The following PCDH15 variants were observed in gnomAD, a reference collection of about 807,000 sequenced individuals.
PCDH15 encodes the protein protocadherin related 15.
Under a neutral mutation model 178.5 loss-of-function variants are expected in PCDH15, and 129 were observed. That is an observed-to-expected ratio of 0.72 (90% confidence interval 0.63 to 0.84). The LOEUF (loss-of-function observed/expected upper bound fraction) is 0.84, where lower values mean the gene tolerates loss of function less well. Ranked by LOEUF, PCDH15 falls within the 40% of genes least tolerant of loss-of-function variation. The pLI is 0.00. For missense variants in PCDH15, 2,230 were observed against 2,099.9 expected, an observed-to-expected ratio of 1.06 and a Z score of -1.21; for synonymous variants, 800 against 732.0, an observed-to-expected ratio of 1.09 and a Z score of -1.50.
intron 3 of PCDH15, among the ~76,000 whole-genome samples, chr10:54,425,404 G>A (rs1416697970): frequency 2.0e-5 from 3 of 152,078 alleles, no homozygotes; most frequent in Admixed American, 6.6e-5. Context: ...ACTCTTCTGA[G>A]AGTCCCCACA....
intron 2 of PCDH15, among the ~76,000 whole-genome samples, chr10:55,325,978 A>G (rs1844020247): frequency 2.0e-5 from 3 of 152,110 alleles, no homozygotes; most frequent in African/African-American, 7.2e-5. Context: ...CTACAAGTAT[A>G]TGAAAAAAAA....
At chr10:55,105,303 G>A (rs1333084363) in intron 2 of PCDH15, among the ~76,000 whole-genome samples, 1 of 151,594 alleles carries the variant, frequency 6.6e-6, no homozygotes. Flanking sequence ...ACAAATTGTT[G>A]TAAATCTCCA....
chr10:55,585,215 G>T (rs1485972217), intron 2 of PCDH15, among the ~76,000 whole-genome samples: 6 of 151,816 alleles, frequency 4.0e-5, no homozygotes, highest in Non-Finnish European at 8.8e-5. Context: ...TCTTCCTGGG[G>T]GTAAAAAATT....
chr10:55,269,780 T>A (rs1363980243), intron 1 of PCDH15, among the ~76,000 whole-genome samples: 1 of 151,754 alleles, frequency 6.6e-6, no homozygotes, highest in African/African-American at 2.4e-5. Context: ...GAAAAAAAAA[T>A]TCTAAAATTC....
intron 2 of PCDH15, among the ~76,000 whole-genome samples, chr10:55,607,700 A>G (rs1260633798): frequency 7.0e-6 from 1 of 141,920 alleles, no homozygotes; most frequent in Non-Finnish European, 1.5e-5. Context: ...TTGAACAATG[A>G]GATCACATGG....
chr10:53,982,619 A>G (rs1373065394), intron 21 of PCDH15, among the ~76,000 whole-genome samples: 1 of 140,086 alleles, frequency 7.1e-6, no homozygotes, highest in Non-Finnish European at 1.5e-5. Context: ...GAATTGAACA[A>G]TGAGAACACA....
intron 3 of PCDH15, among the ~76,000 whole-genome samples, chr10:54,424,049 A>G (rs528295577): frequency 6.6e-6 from 1 of 152,042 alleles, no homozygotes; most frequent in Non-Finnish European, 1.5e-5. Context: ...CTGCACAGCA[A>G]AAGAAACTAC....
chr10:54,118,249 C>T (rs1443125156), intron 15 of PCDH15, among the ~76,000 whole-genome samples: 1 of 152,144 alleles, frequency 6.6e-6, no homozygotes, highest in Non-Finnish European at 1.5e-5. Context: ...ACATCTGCAG[C>T]CATCTGATCA....
intron 8 of PCDH15, among the ~76,000 whole-genome samples, chr10:54,277,961 A>G (rs1459991427): frequency 6.6e-6 from 1 of 151,618 alleles, no homozygotes; most frequent in Non-Finnish European, 1.5e-5. Context: ...TGAGTTGCTT[A>G]TTAGCACCCA....
intron 2 of PCDH15, among the ~76,000 whole-genome samples, chr10:54,956,227 A>C (rs1333810962): frequency 6.6e-6 from 1 of 151,318 alleles, no homozygotes; most frequent in Non-Finnish European, 1.5e-5. Context: ...TTATATATAA[A>C]ATTTTAAAAA....
At chr10:55,592,269 G>A (rs921779230) in intron 2 of PCDH15, among the ~76,000 whole-genome samples, 2 of 152,142 alleles carry the variant, frequency 1.3e-5, no homozygotes, top group Non-Finnish European at 1.5e-5. Flanking sequence ...ACTGCCTGAT[G>A]TCAGTGGGGT....
chr10:54,867,259 T>C (rs1376316295), intron 3 of PCDH15, among the ~76,000 whole-genome samples: 1 of 152,126 alleles, frequency 6.6e-6, no homozygotes, highest in East Asian at 1.9e-4. Flanking sequence ...CCTGGAAAGT[T>C]TGAACTGTGA....
chr10:54,804,013 T>A (rs58119366), upstream of PCDH15, among the ~76,000 whole-genome samples: 1 of 152,044 alleles, frequency 6.6e-6, no homozygotes, highest in African/African-American at 2.4e-5. Flanking sequence ...TAAAAAGTGG[T>A]AATAAACAAA....
intron 1 of PCDH15, among the ~76,000 whole-genome samples, chr10:55,189,713 G>C (rs1228482792): frequency 6.6e-6 from 1 of 151,628 alleles, no homozygotes; most frequent in Non-Finnish European, 1.5e-5. Context: ...TTGCAATAAA[G>C]GATTTTAACA....
intron 21 of PCDH15, among the ~76,000 whole-genome samples, chr10:53,965,242 T>C (rs2088881365): frequency 6.6e-6 from 1 of 152,064 alleles, no homozygotes; most frequent in Non-Finnish European, 1.5e-5. Context: ...CTATTTTTAG[T>C]AGAGATAGGG....
chr10:54,003,474 T>C (rs2092259179), intron 20 of PCDH15, among the ~76,000 whole-genome samples: 1 of 151,872 alleles, frequency 6.6e-6, no homozygotes, highest in Non-Finnish European at 1.5e-5. Context: ...GTGGCTACTA[T>C]GAACAAACAT....
intron 10 of PCDH15, among the ~76,000 whole-genome samples, chr10:54,212,504 T>C (rs765843205): frequency 6.6e-6 from 1 of 152,148 alleles, no homozygotes; most frequent in Non-Finnish European, 1.5e-5. Context: ...TTCCCACTTT[T>C]ATTCATTGAC....
chr10:54,819,595 T>C (rs1953004095), intron 3 of PCDH15, among the ~76,000 whole-genome samples: 1 of 152,016 alleles, frequency 6.6e-6, no homozygotes, highest in South Asian at 2.1e-4. Context: ...GAATAAAGAT[T>C]CTTTAAAATT....
rs1021957209 is a variant in PCDH15, at chr10:54,550,133, G to T, written c.92-22256C>A. Among the ~76,000 whole-genome samples, 4 of 152,098 alleles carry T rather than the reference G, an allele frequency of 2.6e-5. 1 individual carries two copies. Among genetic ancestry groups the T allele is most frequent in the Admixed American group, 6.6e-5 (1 of 15,240 alleles). ...AGACTCATGCTTTCTTATCTTATCTGATTGTTGAATGATTCTATTTCTTTT... is the reference window on the plus strand; with the variant it reads ...AGACTCATGCTTTCTTATCTTATCTTATTGTTGAATGATTCTATTTCTTTT... On this transcript the variant is annotated intron_variant, in intron 2 of 37. Coordinates refer to ENST00000644397, the MANE Select transcript of PCDH15 (RefSeq NM_001384140.1).
Sources: gnomAD v4.1 joint callset for allele counts (sites outside exome capture counted in the v4.1 genomes callset) on GRCh38, gnomAD v4.1.1 for gene constraint, MANE v1.5 for transcripts, NCBI Gene and HGNC (gene_info 2026-07-23, HGNC 2026-07-21) for gene names.